CALN1: variants seen among roughly 807,000 people sequenced by gnomAD.
CALN1 encodes calcium-binding protein 8.
CALN1 carries 17 observed loss-of-function variants against 30.6 expected under a neutral mutation model. The ratio of observed to expected loss-of-function variants is 0.56; its 90% CI spans 0.38 to 0.83. CALN1 has a LOEUF of 0.83. Ranked by LOEUF, CALN1 falls within the 40% of genes least tolerant of loss-of-function variation. CALN1 has a pLI of 0.00. For synonymous variants in CALN1, 156 were observed against 131.4 expected (o/e 1.19, Z -1.28); for missense variants, 291 against 354.9 (o/e 0.82, Z 1.45).
At chr7:71,966,345 C>T (rs1797530338) in intron 5 of CALN1, among the ~76,000 whole-genome samples, 1 of 152,090 alleles carries the variant, frequency 6.6e-6, no homozygotes, top group African/African-American at 2.4e-5. Context: ...GATCTGTGTC[C>T]CCACCCAAGT....
At chr7:72,115,223 CTATATAT>C (rs1392980726) in intron 3 of CALN1, among the ~76,000 whole-genome samples, 1 of 143,926 alleles carries the variant, frequency 6.9e-6, no homozygotes, top group Non-Finnish European at 1.5e-5. Context: ...ATAATATATA[CTATATAT>C]AATATACAGT....
intron 5 of CALN1, among the ~76,000 whole-genome samples, chr7:71,964,296 C>G (rs79807463): frequency 0.054 from 8,191 of 151,754 alleles, 528 homozygotes; most frequent in African/African-American, 0.16. Context: ...TTTTTGGGCT[C>G]TGACCCCACA....
chr7:72,241,805 A>G (rs558800), intron 3 of CALN1, among the ~76,000 whole-genome samples: 2,722 of 152,296 alleles, frequency 0.018, 92 homozygotes, highest in African/African-American at 0.062. Context: ...GTTTGTCTCC[A>G]AACAAAAGCA....
chr7:72,217,548 G>C (rs1336700950), intron 3 of CALN1, among the ~76,000 whole-genome samples: 1 of 152,150 alleles, frequency 6.6e-6, no homozygotes, highest in African/African-American at 2.4e-5. Context: ...AGTCGTGCCA[G>C]ATGAAGAAAT....
intron 4 of CALN1, among the ~76,000 whole-genome samples, chr7:72,060,581 G>C (rs957400701): frequency 6.6e-5 from 10 of 152,222 alleles, no homozygotes; most frequent in African/African-American, 2.4e-4. Flanking sequence ...CATGTGAGAT[G>C]GTTTGGATAT....
At chr7:72,086,698 T>C (rs907322086) in intron 4 of CALN1, among the ~76,000 whole-genome samples, 11 of 152,284 alleles carry the variant, frequency 7.2e-5, no homozygotes, top group African/African-American at 2.6e-4. Context: ...CCTCCCAAAG[T>C]GCTGGGATTT....
intron 3 of CALN1, among the ~76,000 whole-genome samples, chr7:72,248,280 A>C (rs1226169312): frequency 1.3e-5 from 2 of 152,074 alleles, no homozygotes; most frequent in African/African-American, 4.8e-5. Flanking sequence ...ACACCCAGCT[A>C]ATTTTTGTAT....
chr7:72,106,847 AGG>A (rs1807191132), intron 3 of CALN1, among the ~76,000 whole-genome samples: 2 of 58,554 alleles, frequency 3.4e-5, no homozygotes, highest in Non-Finnish European at 7.8e-5. Flanking sequence ...GGAGGGGAGG[AGG>A]AGGGAAGGAA....
chr7:72,475,749 G>C, the CALN1 span, among the ~76,000 whole-genome samples: 5 of 152,072 alleles, frequency 3.3e-5, no homozygotes, highest in Non-Finnish European at 5.9e-5. Flanking sequence ...GAAGAGCCTT[G>C]CCCAAATCTC....
In CALN1 at chr7:72,062,179, G is replaced by T. The variant is rs111918819; in HGVS notation, c.389-38410C>A. ...AAAGAAATTCATTGTCAGCACACCT[G>T]CTCTAAAAAAAATTTTAAAGGATGT... On this transcript the variant is annotated intron_variant, in intron 4 of 6. Coordinates refer to ENST00000395275, the MANE Select transcript of CALN1 (RefSeq NM_031468.4). Among the ~76,000 whole-genome samples, 73 of 152,216 alleles carry T rather than the reference G, an allele frequency of 4.8e-4. 1 individual carries two copies. Among genetic ancestry groups the T allele is most frequent in the African/African-American group, 1.7e-3 (71 of 41,538 alleles).
chr7:71,922,134 A>C, intron 5 of CALN1, among the ~76,000 whole-genome samples: 1 of 152,210 alleles, frequency 6.6e-6, no homozygotes, highest in African/African-American at 2.4e-5. Flanking sequence ...AGGTATGGTC[A>C]CAAATGGAGA....
chr7:72,169,441 T>G (rs1788776276), intron 3 of CALN1, among the ~76,000 whole-genome samples: 1 of 151,308 alleles, frequency 6.6e-6, no homozygotes, highest in Admixed American at 6.6e-5. Context: ...TGTCTCAGCT[T>G]CCCAAGTAGC....
chr7:72,421,573 CTTTTTTTTTT>C (rs772198450), intron 1 of CALN1, among the ~76,000 whole-genome samples: 3 of 58,624 alleles, frequency 5.1e-5, no homozygotes, highest in African/African-American at 1.7e-4. Flanking sequence ...TTTTATCCTA[CTTTTTTTTTT>C]TTTTTTTTTT....
chr7:72,336,834 C>G, intron 2 of CALN1: 6 of 985,082 alleles, frequency 6.1e-6, no homozygotes, highest in Non-Finnish European at 6.0e-6. Flanking sequence ...CTCAGCCTCT[C>G]GCTCACACCC....
intron 2 of CALN1, among the ~76,000 whole-genome samples, chr7:72,370,004 T>C (rs145633105): frequency 1.3e-3 from 202 of 152,094 alleles, no homozygotes; most frequent in Admixed American, 2.2e-3. Context: ...ATGTACATCA[T>C]ACAAAAAATG....
chr7:72,270,792 G>C (rs989461935), intron 3 of CALN1, among the ~76,000 whole-genome samples: 3 of 152,134 alleles, frequency 2.0e-5, no homozygotes, highest in African/African-American at 7.2e-5. Context: ...AACAAAAAAA[G>C]AAGTTATAAG....
intron 4 of CALN1, among the ~76,000 whole-genome samples, chr7:72,099,170 T>G (rs930003695): frequency 6.6e-6 from 1 of 151,674 alleles, no homozygotes; most frequent in African/African-American, 2.4e-5. Flanking sequence ...ATGGGACGGA[T>G]GGAGGCACCA....
chr7:72,408,057 T>G (rs1055841429), intron 1 of CALN1, among the ~76,000 whole-genome samples: 5 of 152,122 alleles, frequency 3.3e-5, no homozygotes, highest in Admixed American at 3.3e-4. Context: ...GGAGCAACCT[T>G]GAAATAATTG....
intron 3 of CALN1, among the ~76,000 whole-genome samples, chr7:72,222,430 C>T (rs535127970): frequency 6.6e-5 from 10 of 151,984 alleles, no homozygotes; most frequent in African/African-American, 1.2e-4. Context: ...GGGGAGATAC[C>T]ACACACTTTT....
Sources: gnomAD v4.1 joint callset for allele counts (sites outside exome capture counted in the v4.1 genomes callset) on GRCh38, gnomAD v4.1.1 for gene constraint, MANE v1.5 for transcripts, NCBI Gene and HGNC (gene_info 2026-07-23, HGNC 2026-07-21) for gene names.